SYNE2: variants seen among roughly 807,000 people sequenced by gnomAD.
SYNE2 encodes the protein spectrin repeat containing nuclear envelope protein 2.
Under a neutral mutation model 856.3 loss-of-function variants are expected in SYNE2, and 431 were observed. The observed-to-expected ratio is 0.50, with a 90% confidence interval of 0.47 to 0.55. SYNE2 has a LOEUF of 0.55. Ranked by LOEUF, SYNE2 falls within the 20% of genes least tolerant of loss-of-function variation. SYNE2 has a pLI of 0.00. For missense variants in SYNE2, 8,129 were observed against 8,023.2 expected, an observed-to-expected ratio of 1.01 and a Z score of -0.50; for synonymous variants, 2,923 against 2,872.3, an observed-to-expected ratio of 1.02 and a Z score of -0.56.
At chr14:64,098,293 T>C (rs777855649) in intron 62 of SYNE2, 147 bp downstream of exon 62, 172 of 858,846 alleles carry the variant, frequency 2.0e-4, no homozygotes, top group Non-Finnish European at 3.0e-4. Flanking sequence ...CCTGAGGTTG[T>C]TTACTAGTGA....
rs757754481 is a variant in SYNE2, at chr14:63,995,139, A to G, written c.2877A>G (p.Gln959=). 8.7e-6 allele frequency: 14 copies of G among 1,605,260 alleles called. No individual in the cohort carries two copies. In the Admixed American group the frequency reaches 2.4e-4, roughly 27 times the overall value. ...ACAATATTTTAAAACTTGAAAAGCA[A>G]ATAAATAAAGAAAAGAAACTTATCC... is the stretch of plus-strand genomic sequence containing the variant. The part of the protein sequence containing the change: ...LSDNILKLEK[Q]INKEKKLIRR... Residue 959 remains glutamine (Q), a synonymous_variant, in exon 23 of 116, where the codon CAA becomes CAG. Transcript: ENST00000555002.
chr14:63,925,144 AATAG>A (rs923893123), intron 2 of SYNE2, among the ~76,000 whole-genome samples: 62 of 151,688 alleles, frequency 4.1e-4, no homozygotes, highest in Non-Finnish European at 8.7e-4. Flanking sequence ...TCTAAAAATA[AATAG>A]ATAGATAGAT....
At chr14:64,225,247 A>AG in intron 115 of SYNE2, 72 bp from the exon 116 acceptor site, 2 of 1,603,166 alleles carry the variant, frequency 1.2e-6, no homozygotes, top group Admixed American at 3.3e-5. Context: ...TTACATAAGC[A>AG]GGGGCTTAGG....
intron 1 of SYNE2, among the ~76,000 whole-genome samples, chr14:63,794,165 A>G (rs906745037): frequency 6.6e-6 from 1 of 152,222 alleles, no homozygotes; most frequent in African/African-American, 2.4e-5. Flanking sequence ...CAATTCAACA[A>G]TAACTGGAAA....
chr14:64,081,355 G>C, intron 56 of SYNE2, 88 bp from the exon 57 acceptor site: 1 of 1,559,060 alleles, frequency 6.4e-7, no homozygotes, highest in Non-Finnish European at 8.8e-7. Flanking sequence ...ACACACCCCT[G>C]ACTAACAGCT....
rs79097902 is a variant in SYNE2 at position 64,024,020 on chromosome 14, C to T, written c.5638-237C>T. On this transcript the variant is annotated intron_variant, in intron 38 of 115. Coordinates refer to ENST00000555002, the MANE Select transcript of SYNE2 (RefSeq NM_182914.3). Reference sequence around the variant, plus strand: ...GGAAAATGTAGCTGTCCTGGTCTTGCTCCTGCTGATCTTCCTGGTGGCTCT... The same window carrying T: ...GGAAAATGTAGCTGTCCTGGTCTTGTTCCTGCTGATCTTCCTGGTGGCTCT... 172 of 464,904 alleles carry T rather than the reference C, an allele frequency of 3.7e-4. 1 individual carries two copies. The highest frequency in any genetic ancestry group is 3.1e-3 in the African/African-American group (159 of 50,690). The allele number at this position is 464,904 out of a possible 1,614,324, so 28.8% of individuals were successfully genotyped here. A position where few individuals can be genotyped will look rare whatever the true frequency, so the allele number is the denominator to read the frequency against.
At chr14:64,112,677 G>C (rs1312267089) in intron 65 of SYNE2, among the ~76,000 whole-genome samples, 1 of 152,188 alleles carries the variant, frequency 6.6e-6, no homozygotes, top group Non-Finnish European at 1.5e-5. Context: ...CGAGTATGCA[G>C]AAGGGGAAGG....
chr14:64,173,906 A>G, intron 94 of SYNE2: 2 of 683,496 alleles, frequency 2.9e-6, no homozygotes, highest in Admixed American at 2.3e-5. Flanking sequence ...AAGAACGCCC[A>G]TGTAGCCAGG....
At chr14:64,193,272 A>C (rs2098526285) in intron 99 of SYNE2, among the ~76,000 whole-genome samples, 1 of 152,226 alleles carries the variant, frequency 6.6e-6, no homozygotes, top group African/African-American at 2.4e-5. Context: ...AAGATCGGCC[A>C]GGCATAGCGG....
At chr14:64,050,603 T>C (rs1307581612) in intron 47 of SYNE2, among the ~76,000 whole-genome samples, 3 of 152,214 alleles carry the variant, frequency 2.0e-5, no homozygotes, top group African/African-American at 7.2e-5. Context: ...GTTTGGTATA[T>C]ATTGAATATA....
At chr14:63,799,724 T>C (rs1479763194) in intron 1 of SYNE2, among the ~76,000 whole-genome samples, 1 of 152,158 alleles carries the variant, frequency 6.6e-6, no homozygotes, top group African/African-American at 2.4e-5. Context: ...ACTTTTTGTT[T>C]TTCTAATTGA....
intron 62 of SYNE2, 87 bp from the exon 63 acceptor site, chr14:64,098,660 T>C: frequency 7.2e-7 from 1 of 1,381,754 alleles, no homozygotes; most frequent in Non-Finnish European, 1.0e-6. Flanking sequence ...AGTAAAAAAT[T>C]AGCTACATAA....
chr14:64,051,509 A>G, intron 47 of SYNE2, 48 bp from the exon 48 acceptor site: 1 of 1,486,820 alleles, frequency 6.7e-7, no homozygotes, highest in Non-Finnish European at 9.2e-7. Context: ...ATTTTAATGT[A>G]GAATAAGCAT....
At chr14:63,997,465 A>C in intron 25 of SYNE2, 74 bp downstream of exon 25, 53 of 1,161,110 alleles carry the variant, frequency 4.6e-5, no homozygotes, top group Non-Finnish European at 6.0e-5. Context: ...TTCACTTCTC[A>C]TTAATTAGGT....
chr14:63,976,764 T>A (rs1170304040), intron 12 of SYNE2, 37 bp downstream of exon 12: 7 of 1,597,678 alleles, frequency 4.4e-6, no homozygotes, highest in Non-Finnish European at 5.1e-6. Flanking sequence ...GGAAAATACA[T>A]ATTTTGTTAG....
rs145032487 is a variant in SYNE2 at position 64,056,901 on chromosome 14, G to T, written c.10067+635G>T. Among the ~76,000 whole-genome samples the T allele has an allele frequency of 6.4e-3, 975 of 152,002 alleles. 19 individuals carry two copies. Among genetic ancestry groups the T allele is most frequent in the African/African-American group, 0.023 (946 of 41,468 alleles). ...TGGTCAGGCTGGTCTTGAACTCCCTGTTGTACTTTTACTATGTGTTTGTGT... is the reference window on the plus strand; with the variant it reads ...TGGTCAGGCTGGTCTTGAACTCCCTTTTGTACTTTTACTATGTGTTTGTGT... On this transcript the variant is annotated intron_variant, in intron 49 of 115. Coordinates refer to ENST00000555002, the MANE Select transcript of SYNE2 (RefSeq NM_182914.3).
At chr14:64,118,668 C>G (rs1412790975) in intron 66 of SYNE2, among the ~76,000 whole-genome samples, 1 of 151,952 alleles carries the variant, frequency 6.6e-6, no homozygotes, top group African/African-American at 2.4e-5. Flanking sequence ...TGAGACCAGC[C>G]TGGCCAAAAT....
In SYNE2 at chr14:63,983,745, C is replaced by T; in HGVS notation, c.2010C>T (p.Asn670=). 1 of 1,611,836 alleles carries T rather than the reference C, an allele frequency of 6.2e-7. No homozygotes were observed. The highest frequency in any genetic ancestry group is 1.1e-5 in the South Asian group (1 of 90,900). Residue 670 remains asparagine (N), a synonymous_variant, in exon 18 of 116, where the codon AAC becomes AAT. Coordinates refer to ENST00000555002, the MANE Select transcript of SYNE2 (RefSeq NM_182914.3). ...GAAATTATTTTGTATAGGAAATGAACCTGCCACTGATGATAAAAAAACAGG... is the reference window on the plus strand; with the variant it reads ...GAAATTATTTTGTATAGGAAATGAATCTGCCACTGATGATAAAAAAACAGG... ...KLVSKTQLEM[N]LPLMIKKQDQ...
intron 16 of SYNE2, among the ~76,000 whole-genome samples, chr14:63,981,952 A>G (rs145765222): frequency 1.1e-3 from 174 of 152,296 alleles, no homozygotes; most frequent in African/African-American, 4.1e-3. Context: ...GTCTTCCAAC[A>G]GTCTTTCTGT....
Sources: allele counts gnomAD v4.1 joint callset (sites outside exome capture counted in the v4.1 genomes callset), GRCh38; gene constraint gnomAD v4.1.1; transcripts MANE v1.5; gene names NCBI Gene and HGNC (gene_info 2026-07-23, HGNC 2026-07-21).